The following SLC27A1 variants were observed in gnomAD, a reference collection of about 807,000 sequenced individuals.
SLC27A1 encodes the protein long-chain fatty acid transport protein 1.
A neutral mutation model predicts 62.2 loss-of-function variants in SLC27A1; 61 were observed. That is an observed-to-expected ratio of 0.98 (90% CI 0.80 to 1.21). The LOEUF (loss-of-function observed/expected upper bound fraction) is 1.21, where lower values mean the gene tolerates loss of function less well. Ranked by LOEUF, SLC27A1 falls within the 50% of genes most tolerant of loss-of-function variation. The probability of loss-of-function intolerance (pLI) is 0.00; values close to 1 mark genes in which losing one functional copy is unlikely to be tolerated. For missense variants in SLC27A1, 903 were observed against 932.1 expected (o/e 0.97, Z 0.41); for synonymous variants, 435 against 408.6 (o/e 1.06, Z -0.78).
intron 6 of SLC27A1, among the ~76,000 whole-genome samples, chr19:17,492,954 AAGAAAT>A (rs1473738083): frequency 6.6e-6 from 1 of 151,310 alleles, no homozygotes; most frequent in Non-Finnish European, 1.5e-5. Flanking sequence ...AAAAAAAAGA[AAGAAAT>A]AGAGGATGGG....
upstream of SLC27A1, among the ~76,000 whole-genome samples, chr19:17,469,734 G>T (rs970253135): frequency 6.6e-6 from 1 of 151,336 alleles, no homozygotes; most frequent in Non-Finnish European, 1.5e-5. Flanking sequence ...GTCCTAGGGG[G>T]GCCGGAGTGA....
chr19:17,475,901 G>T (rs1159550574), intron 1 of SLC27A1, among the ~76,000 whole-genome samples: 1 of 152,162 alleles, frequency 6.6e-6, no homozygotes, highest in African/African-American at 2.4e-5. Flanking sequence ...CTAGGCATGT[G>T]GCTGGAACCA....
At chr19:17,496,820 GCAGGAGGATTGCTTGAGGC>G (rs2075354455) in intron 6 of SLC27A1, 1 of 158,742 alleles carries the variant, frequency 6.3e-6, no homozygotes, top group Non-Finnish European at 1.4e-5. Flanking sequence ...GGAGGCTGAG[GCAGGAGGATTGCTTGAGGC>G]CAGGAGTTCA....
At chr19:17,472,343 G>A (rs1448281527) in intron 1 of SLC27A1, among the ~76,000 whole-genome samples, 2 of 150,890 alleles carry the variant, frequency 1.3e-5, no homozygotes, top group Non-Finnish European at 3.0e-5. Context: ...TGCAGTGAGC[G>A]GAGATCATGC....
chr19:17,483,001 T>A (rs1449746556), intron 1 of SLC27A1, among the ~76,000 whole-genome samples: 1 of 150,240 alleles, frequency 6.7e-6, no homozygotes, highest in Non-Finnish European at 1.5e-5. Flanking sequence ...AGGGAATGAG[T>A]GAAGGAGGGA....
intron 6 of SLC27A1, among the ~76,000 whole-genome samples, chr19:17,493,277 A>G (rs1467603169): frequency 6.7e-6 from 1 of 149,856 alleles, no homozygotes; most frequent in African/African-American, 2.5e-5. Context: ...CTACAAAAAC[A>G]ATTAGCCATG....
chr19:17,501,217 C>T, intron 10 of SLC27A1, 56 bp from the exon 11 acceptor site: 2 of 1,596,674 alleles, frequency 1.3e-6, no homozygotes, highest in Non-Finnish European at 1.7e-6. Context: ...TGTATCTGGT[C>T]CTGCTGGTGG....
upstream of SLC27A1, among the ~76,000 whole-genome samples, chr19:17,469,685 G>A (rs2075054150): frequency 6.6e-6 from 1 of 152,252 alleles, no homozygotes; most frequent in African/African-American, 2.4e-5. Flanking sequence ...GGGCTGAGGG[G>A]CTTCGAAGTA....
In SLC27A1 at chr19:17,473,817, G is replaced by A. The variant is rs537692054; in HGVS notation, c.167+3110G>A. Among the ~76,000 whole-genome samples the A allele has an allele frequency of 1.6e-4, 25 of 152,240 alleles. No homozygotes were observed. The South Asian group carries it at 5.0e-3, about 30-fold the overall frequency. On this transcript the variant is annotated intron_variant, in intron 1 of 11. Transcript: ENST00000252595. ...GTGGAGGTTGCAGTGAGCCAAGATC[G>A]TGCCATTACACTCCAGACTGGGCAA...
chr19:17,487,430 C>A, intron 3 of SLC27A1, 30 bp from the exon 4 acceptor site: 1 of 1,522,726 alleles, frequency 6.6e-7, no homozygotes, highest in Non-Finnish European at 8.8e-7. Context: ...AATGCTCAGG[C>A]CCCACCCCTA....
intron 11 of SLC27A1, among the ~76,000 whole-genome samples, chr19:17,502,169 T>C (rs1599676852): frequency 6.6e-6 from 1 of 151,800 alleles, no homozygotes; most frequent in East Asian, 1.9e-4. Flanking sequence ...ACAAACCATA[T>C]CCAAACCATT....
intron 1 of SLC27A1, among the ~76,000 whole-genome samples, chr19:17,485,704 C>A (rs1049891164): frequency 4.0e-5 from 6 of 151,742 alleles, no homozygotes. Flanking sequence ...GTGGTGGGCA[C>A]CTGTAATCCC....
intron 1 of SLC27A1, among the ~76,000 whole-genome samples, chr19:17,477,377 G>T (rs948246049): frequency 1.7e-4 from 26 of 148,918 alleles, no homozygotes; most frequent in Non-Finnish European, 1.5e-5. Flanking sequence ...GAGTAGCTGG[G>T]ATTACAGGTG....
chr19:17,497,760 C>T (rs572248128), intron 7 of SLC27A1: 4 of 425,140 alleles, frequency 9.4e-6, no homozygotes, highest in South Asian at 7.6e-5. Flanking sequence ...GCCTCAGTTT[C>T]TGCGTGTGGA....
At chr19:17,473,350 A>C (rs1031378587) in intron 1 of SLC27A1, among the ~76,000 whole-genome samples, 2 of 152,182 alleles carry the variant, frequency 1.3e-5, no homozygotes, top group Non-Finnish European at 2.9e-5. Flanking sequence ...GCAAGGTCTG[A>C]GATACCAAAT....
intron 6 of SLC27A1, 44 bp from the exon 7 acceptor site, chr19:17,497,211 C>T: frequency 1.3e-6 from 2 of 1,535,348 alleles, no homozygotes; most frequent in Non-Finnish European, 1.8e-6. Context: ...GGGCTCCCCA[C>T]CGCCTGCCGG....
chr19:17,492,983 T>C (rs1372630911), intron 6 of SLC27A1, among the ~76,000 whole-genome samples: 1 of 148,602 alleles, frequency 6.7e-6, no homozygotes, highest in Admixed American at 6.7e-5. Flanking sequence ...ATTAGCCAGG[T>C]GCGGTGGTGG....
chr19:17,481,433 C>G (rs1238319458), intron 1 of SLC27A1, among the ~76,000 whole-genome samples: 1 of 151,574 alleles, frequency 6.6e-6, no homozygotes, highest in Non-Finnish European at 1.5e-5. Flanking sequence ...TCTCCTGCCT[C>G]AGCCTCCTGA....
intron 6 of SLC27A1, among the ~76,000 whole-genome samples, chr19:17,494,600 T>G (rs2075329222): frequency 6.6e-6 from 1 of 152,040 alleles, no homozygotes; most frequent in African/African-American, 2.4e-5. Context: ...GTGCTGAGAT[T>G]ACAGGCGTGA....
Sources: allele counts gnomAD v4.1 joint callset (sites outside exome capture counted in the v4.1 genomes callset), GRCh38; gene constraint gnomAD v4.1.1; transcripts MANE v1.5; gene names NCBI Gene and HGNC (gene_info 2026-07-23, HGNC 2026-07-21).